The following THSD7B variants were observed in gnomAD, a reference collection of about 807,000 sequenced individuals.
The protein encoded by THSD7B is thrombospondin type-1 domain-containing protein 7B.
In THSD7B, 138 loss-of-function variants were observed where a neutral mutation model predicts 213.6. That is an observed-to-expected ratio of 0.65 (90% confidence interval 0.56 to 0.74). THSD7B has a LOEUF of 0.74. THSD7B is among the 30% of genes least tolerant of loss of function. THSD7B has a pLI of 0.00. For synonymous variants in THSD7B, 742 were observed against 687.0 expected, an observed-to-expected ratio of 1.08 and a Z score of -1.25; for missense variants, 1,931 against 1,991.5, an observed-to-expected ratio of 0.97 and a Z score of 0.58.
At chr2:137,075,025 C>G (rs1393986468) in intron 3 of THSD7B, among the ~76,000 whole-genome samples, 1 of 152,094 alleles carries the variant, frequency 6.6e-6, no homozygotes, top group Non-Finnish European at 1.5e-5. Context: ...AACATTTTTT[C>G]CTTCATTTCA....
chr2:137,596,360 A>G (rs1282805924), intron 17 of THSD7B, among the ~76,000 whole-genome samples: 1 of 152,072 alleles, frequency 6.6e-6, no homozygotes, highest in Non-Finnish European at 1.5e-5. Flanking sequence ...GAATTAGTAT[A>G]TGTTTTGAAA....
chr2:137,520,391 C>T (rs1166269801), intron 15 of THSD7B, among the ~76,000 whole-genome samples: 2 of 152,114 alleles, frequency 1.3e-5, no homozygotes, highest in Admixed American at 1.3e-4. Flanking sequence ...AGGATAAGCA[C>T]TCTGTATATA....
chr2:137,101,401 G>C (rs1277625180), intron 4 of THSD7B, among the ~76,000 whole-genome samples: 1 of 152,148 alleles, frequency 6.6e-6, no homozygotes, highest in Non-Finnish European at 1.5e-5. Flanking sequence ...TTAATAAATG[G>C]TTGTCAGATA....
At chr2:137,448,524 T>C (rs1007580692) in intron 14 of THSD7B, among the ~76,000 whole-genome samples, 3 of 152,110 alleles carry the variant, frequency 2.0e-5, no homozygotes, top group African/African-American at 7.2e-5. Context: ...AACTACCCTT[T>C]CCTGGCTGGC....
At chr2:137,597,940 C>G (rs538708559) in intron 17 of THSD7B, among the ~76,000 whole-genome samples, 77 of 152,190 alleles carry the variant, frequency 5.1e-4, no homozygotes, top group African/African-American at 1.9e-3. Flanking sequence ...AAATATTTCT[C>G]AAAGAGTTCC....
intron 6 of THSD7B, among the ~76,000 whole-genome samples, chr2:137,161,664 C>G (rs1238186536): frequency 6.6e-6 from 1 of 152,110 alleles, no homozygotes; most frequent in Non-Finnish European, 1.5e-5. Flanking sequence ...GTCAAAGAAG[C>G]CTGGAGAGGG....
chr2:137,415,055 CAA>C (rs56403642), intron 14 of THSD7B, among the ~76,000 whole-genome samples: 3 of 122,798 alleles, frequency 2.4e-5, no homozygotes, highest in Non-Finnish European at 5.1e-5. Flanking sequence ...GACCCTGTCT[CAA>C]AAAAAAAAAA....
chr2:137,672,160 A>G (rs548691137), intron 27 of THSD7B, among the ~76,000 whole-genome samples: 2 of 152,336 alleles, frequency 1.3e-5, no homozygotes, highest in South Asian at 4.1e-4. Flanking sequence ...TTTTAGAAAA[A>G]CAGTATAGGA....
At chr2:136,959,491 T>A (rs1219587449) in intron 2 of THSD7B, among the ~76,000 whole-genome samples, 2 of 152,252 alleles carry the variant, frequency 1.3e-5, no homozygotes, top group Non-Finnish European at 2.9e-5. Context: ...TGGTGAAACT[T>A]ACTACCTTTC....
intron 12 of THSD7B, among the ~76,000 whole-genome samples, chr2:137,298,084 C>T (rs762264075): frequency 1.4e-4 from 21 of 152,174 alleles, no homozygotes; most frequent in Non-Finnish European, 2.5e-4. Flanking sequence ...AACCTCCTAG[C>T]GACTTGCTGA....
At chr2:137,369,663 C>T (rs1485148803) in intron 12 of THSD7B, among the ~76,000 whole-genome samples, 1 of 152,174 alleles carries the variant, frequency 6.6e-6, no homozygotes, top group Non-Finnish European at 1.5e-5. Context: ...CTTTTGTAGG[C>T]CCTGGTGTTT....
intron 1 of THSD7B, among the ~76,000 whole-genome samples, chr2:136,802,640 T>C (rs185246286): frequency 1.4e-4 from 1 of 7,058 alleles, no homozygotes; most frequent in Non-Finnish European, 2.5e-4. Flanking sequence ...GAATTAAGTT[T>C]ATATATATAT....
intron 1 of THSD7B, among the ~76,000 whole-genome samples, chr2:136,817,583 C>T (rs1481524009): frequency 3.3e-5 from 5 of 150,104 alleles, no homozygotes; most frequent in African/African-American, 9.8e-5. Context: ...CTACATATGG[C>T]TAGCCAGTTT....
In THSD7B at chr2:137,664,670, A is replaced by G. The variant is rs925837854; in HGVS notation, c.4651+1095A>G. ...AAACTGAAAATGGCAGTGCAGGTTA[A>G]TTTTATCAGTTTCACACCACCAGCA... On this transcript the variant is annotated intron_variant, in intron 26 of 27. Transcript: ENST00000409968. Among the ~76,000 whole-genome samples, 4 of 152,176 alleles carry G rather than the reference A, an allele frequency of 2.6e-5. No individual in the cohort carries two copies. The East Asian group carries it at 7.7e-4, about 29-fold the overall frequency.
chr2:137,499,273 A>G (rs539134996), intron 15 of THSD7B, among the ~76,000 whole-genome samples: 39 of 152,272 alleles, frequency 2.6e-4, no homozygotes, highest in African/African-American at 9.1e-4. Flanking sequence ...TTTTAGTCTC[A>G]ATGGTTCATT....
intron 17 of THSD7B, among the ~76,000 whole-genome samples, chr2:137,611,572 A>G (rs894823189): frequency 6.6e-6 from 1 of 152,180 alleles, no homozygotes; most frequent in Non-Finnish European, 1.5e-5. Flanking sequence ...ACTGACATAT[A>G]GTAAACACTA....
chr2:137,228,205 A>G (rs1254077477), intron 7 of THSD7B, among the ~76,000 whole-genome samples: 1 of 150,120 alleles, frequency 6.7e-6, no homozygotes. Context: ...CAGGATGCTT[A>G]TGACTATTAG....
chr2:137,405,896 T>C, intron 13 of THSD7B, 89 bp downstream of exon 13: 1 of 1,195,352 alleles, frequency 8.4e-7, no homozygotes, highest in Non-Finnish European at 1.2e-6. Context: ...GGACAGGAAT[T>C]TGCATCAGGT....
chr2:137,650,097 C>T (rs975605200), intron 21 of THSD7B, among the ~76,000 whole-genome samples: 6 of 151,952 alleles, frequency 3.9e-5, no homozygotes, highest in South Asian at 2.1e-4. Context: ...ATACATTTTA[C>T]GATGTTTTTC....
Sources: allele counts gnomAD v4.1 joint callset (sites outside exome capture counted in the v4.1 genomes callset), GRCh38; gene constraint gnomAD v4.1.1; transcripts MANE v1.5; gene names NCBI Gene and HGNC (gene_info 2026-07-23, HGNC 2026-07-21).